Variants in DLG2 observed in about 807,000 individuals in gnomAD.
DLG2 encodes the protein discs large MAGUK scaffold protein 2.
A neutral mutation model predicts 132.5 loss-of-function variants in DLG2; 45 were observed. The ratio of observed to expected loss-of-function variants is 0.34; its 90% CI spans 0.27 to 0.44. DLG2 has a LOEUF of 0.44. DLG2 is among the 20% of genes least tolerant of loss of function. DLG2 has a pLI of 1.00. For missense variants in DLG2, 1,045 were observed against 1,196.9 expected (o/e 0.87, Z 1.87); for synonymous variants, 424 against 419.6 (o/e 1.01, Z -0.13).
intron 18 of DLG2, among the ~76,000 whole-genome samples, chr11:83,765,774 A>G (rs1566879750): frequency 6.6e-6 from 1 of 152,222 alleles, no homozygotes; most frequent in African/African-American, 2.4e-5. Context: ...TATATGTACA[A>G]TTGAGTTTCT....
Position 85,421,318 on chromosome 11 carries a change from T to C in DLG2, c.41-135953A>G, listed in dbSNP as rs61184572. 9.2e-3 allele frequency among the ~76,000 whole-genome samples: 1,401 copies of C among 152,008 alleles called. 16 individuals are homozygous for C. The highest frequency in any genetic ancestry group is 0.03 in the African/African-American group (1,261 of 41,438). ...CAATGAGATGAGCTGGGTACCTCAG[T>C]TGGAAATGCAGAAATCACACCCCTC... On this transcript the variant is annotated intron_variant, in intron 3 of 27. Coordinates refer to ENST00000376104, the MANE Select transcript of DLG2 (RefSeq NM_001142699.3).
chr11:85,165,841 A>C (rs2152483450), intron 4 of DLG2, among the ~76,000 whole-genome samples: 1 of 152,248 alleles, frequency 6.6e-6, no homozygotes, highest in East Asian at 1.9e-4. Flanking sequence ...ATTAATCCTC[A>C]AATGCTGCCT....
In DLG2 at chr11:85,196,197, C is replaced by T. The variant is rs538472850; in HGVS notation, c.187-41546G>A. Among the ~76,000 whole-genome samples the T allele has an allele frequency of 2.6e-5, 4 of 152,292 alleles. No homozygotes were observed. The South Asian group carries it at 6.2e-4, about 24-fold the overall frequency. ...AGTTCCTTGACTTCCACTCCAGTGG[C>T]ATTTTCATTATCTTCAAAATTTCTT... is the stretch of plus-strand genomic sequence containing the variant. On this transcript the variant is annotated intron_variant, in intron 4 of 27. Coordinates refer to ENST00000376104, the MANE Select transcript of DLG2 (RefSeq NM_001142699.3).
chr11:83,662,296 C>A (rs1331704081), intron 18 of DLG2, among the ~76,000 whole-genome samples: 3 of 152,290 alleles, frequency 2.0e-5, no homozygotes, highest in African/African-American at 7.2e-5. Context: ...AAATGTCTTT[C>A]AAAGTCAATA....
chr11:84,316,118 A>G (rs927035450), intron 7 of DLG2, among the ~76,000 whole-genome samples: 2 of 152,210 alleles, frequency 1.3e-5, no homozygotes, highest in Non-Finnish European at 2.9e-5. Flanking sequence ...TGGGGGCTAG[A>G]ATAACCTAGG....
chr11:84,731,511 G>C (rs1325248537), intron 6 of DLG2, among the ~76,000 whole-genome samples: 3 of 151,942 alleles, frequency 2.0e-5, no homozygotes, highest in Admixed American at 2.0e-4. Context: ...AGAAAAATAA[G>C]TGGGAATTAA....
intron 7 of DLG2, among the ~76,000 whole-genome samples, chr11:84,436,930 T>C (rs375746724): frequency 1.3e-5 from 2 of 152,164 alleles, no homozygotes; most frequent in East Asian, 3.9e-4. Context: ...GTCCCAGATA[T>C]ATGTTCCTAG....
intron 8 of DLG2, among the ~76,000 whole-genome samples, chr11:84,207,010 A>G (rs1305414013): frequency 6.6e-6 from 1 of 151,900 alleles, no homozygotes; most frequent in African/African-American, 2.4e-5. Flanking sequence ...AATTTAAAAA[A>G]TCAATGCCAA....
At chr11:84,740,025 C>T (rs1373292641) in intron 6 of DLG2, among the ~76,000 whole-genome samples, 1 of 151,858 alleles carries the variant, frequency 6.6e-6, no homozygotes, top group East Asian at 1.9e-4. Flanking sequence ...TGTGTCTACT[C>T]TGTATTTACC....
chr11:85,318,630 G>A lies in DLG2; in HGVS notation c.41-33265C>T, dbSNP rs141639047. ...AAGGGAAGTAAATATGAAGCCAACC[G>A]GACTAGAAAATATTAGAGAAGGAGG... On this transcript the variant is annotated intron_variant, in intron 3 of 27. Coordinates refer to ENST00000376104, the MANE Select transcript of DLG2 (RefSeq NM_001142699.3). Among the ~76,000 whole-genome samples, 39 of 151,532 alleles carry A rather than the reference G, an allele frequency of 2.6e-4. No homozygotes were observed. The East Asian group carries it at 3.5e-3, about 14-fold the overall frequency.
At chr11:84,834,206 T>C (rs529796088) in intron 6 of DLG2, among the ~76,000 whole-genome samples, 25 of 151,794 alleles carry the variant, frequency 1.6e-4, no homozygotes, top group Middle Eastern at 3.4e-3. Context: ...ATCATTTCCC[T>C]TAGTTATTTA....
chr11:84,547,898 G>A (rs991931591), intron 6 of DLG2, among the ~76,000 whole-genome samples: 5 of 152,120 alleles, frequency 3.3e-5, no homozygotes, highest in African/African-American at 9.7e-5. Context: ...ACTCCACCAT[G>A]ACTAGCACAT....
chr11:83,739,141 A>T (rs953259694), intron 18 of DLG2, among the ~76,000 whole-genome samples: 4 of 152,160 alleles, frequency 2.6e-5, no homozygotes, highest in Non-Finnish European at 5.9e-5. Context: ...CCCCATTTGA[A>T]TTCTATGATT....
chr11:84,043,001 T>G (rs985759360), intron 11 of DLG2, among the ~76,000 whole-genome samples: 21 of 151,846 alleles, frequency 1.4e-4, no homozygotes, highest in African/African-American at 4.8e-4. Flanking sequence ...GTCATTATAT[T>G]TTTTAGTTGA....
At chr11:85,143,529 A>T (rs1251051919) in intron 5 of DLG2, among the ~76,000 whole-genome samples, 1 of 151,538 alleles carries the variant, frequency 6.6e-6, no homozygotes, top group Non-Finnish European at 1.5e-5. Flanking sequence ...TAGGTTATTT[A>T]TTTGAAATTT....
chr11:84,399,564 T>C (rs2098822514), intron 7 of DLG2, among the ~76,000 whole-genome samples: 1 of 152,166 alleles, frequency 6.6e-6, no homozygotes, highest in African/African-American at 2.4e-5. Flanking sequence ...TAGCTGGGAC[T>C]ACCACCACAT....
intron 19 of DLG2, among the ~76,000 whole-genome samples, chr11:83,620,124 A>G (rs1253036921): frequency 6.6e-6 from 1 of 152,210 alleles, no homozygotes; most frequent in East Asian, 1.9e-4. Context: ...TGGAATCCTG[A>G]GTTTGAAAGG....
intron 16 of DLG2, among the ~76,000 whole-genome samples, chr11:83,853,333 C>T (rs1247661536): frequency 6.6e-6 from 1 of 152,104 alleles, no homozygotes; most frequent in African/African-American, 2.4e-5. Flanking sequence ...ACACTAGTTC[C>T]TCTAGGATTC....
chr11:85,112,036 G>A (rs2072844953), intron 5 of DLG2, among the ~76,000 whole-genome samples: 1 of 151,968 alleles, frequency 6.6e-6, no homozygotes, highest in African/African-American at 2.4e-5. Flanking sequence ...CAACCCATAG[G>A]CTGACTGTTC....
Sources: allele counts gnomAD v4.1 joint callset (sites outside exome capture counted in the v4.1 genomes callset), GRCh38; gene constraint gnomAD v4.1.1; transcripts MANE v1.5; gene names NCBI Gene and HGNC (gene_info 2026-07-23, HGNC 2026-07-21).